The following RARB variants were observed in gnomAD, a reference collection of about 807,000 sequenced individuals.
The protein encoded by RARB is HBV-activated protein.
RARB carries 17 observed loss-of-function variants against 51.9 expected under a neutral mutation model. The ratio of observed to expected loss-of-function variants is 0.33; its 90% CI spans 0.22 to 0.49. RARB has a LOEUF of 0.49. Among genes scored for constraint, RARB ranks in the 20% least tolerant of loss-of-function variants. The probability of loss-of-function intolerance (pLI) is 0.99; values close to 1 mark genes in which losing one functional copy is unlikely to be tolerated. For synonymous variants in RARB, 215 were observed against 195.4 expected, an observed-to-expected ratio of 1.10 and a Z score of -0.84; for missense variants, 369 against 550.8, an observed-to-expected ratio of 0.67 and a Z score of 3.30.
intron 2 of RARB, among the ~76,000 whole-genome samples, chr3:24,867,395 A>C (rs187092609): frequency 4.7e-4 from 72 of 152,300 alleles, no homozygotes; most frequent in African/African-American, 1.6e-3. Context: ...TTTTCTCACT[A>C]TTAATAATTT....
At chr3:25,300,933 G>T (rs1228021005) in intron 5 of RARB, among the ~76,000 whole-genome samples, 4 of 152,164 alleles carry the variant, frequency 2.6e-5, no homozygotes, top group Admixed American at 2.6e-4. Flanking sequence ...GGAAGCAGAG[G>T]TTGCAGTGAG....
At chr3:25,482,827 C>G (rs576972107) in intron 2 of RARB, among the ~76,000 whole-genome samples, 1 of 152,054 alleles carries the variant, frequency 6.6e-6, no homozygotes, top group African/African-American at 2.4e-5. Context: ...GCGTGAGCCA[C>G]CCGCCTAGCC....
intron 2 of RARB, among the ~76,000 whole-genome samples, chr3:25,483,255 CTT>C (rs1198207620): frequency 6.6e-6 from 1 of 152,156 alleles, no homozygotes; most frequent in African/African-American, 2.4e-5. Context: ...AATGGGAAAA[CTT>C]GGGGAAATTT....
intron 5 of RARB, among the ~76,000 whole-genome samples, chr3:25,374,917 C>T (rs1290589563): frequency 6.6e-6 from 1 of 152,188 alleles, no homozygotes; most frequent in Non-Finnish European, 1.5e-5. Context: ...ACAGAGAAGA[C>T]TCTAAGATTA....
chr3:25,454,440 G>T (rs142546809), intron 1 of RARB, among the ~76,000 whole-genome samples: 2 of 152,176 alleles, frequency 1.3e-5, no homozygotes, highest in Non-Finnish European at 2.9e-5. Flanking sequence ...ACTGGGATTC[G>T]GAGCTCTGGG....
chr3:24,830,624 A>G (rs1702267238), intron 1 of RARB, among the ~76,000 whole-genome samples: 1 of 146,098 alleles, frequency 6.8e-6, no homozygotes, highest in East Asian at 2.1e-4. Context: ...AAAAGGGTGC[A>G]TTTGGACGAC....
At chr3:25,062,692 C>G (rs951611739) in intron 3 of RARB, among the ~76,000 whole-genome samples, 3 of 151,828 alleles carry the variant, frequency 2.0e-5, no homozygotes, top group African/African-American at 7.2e-5. Flanking sequence ...TCTACATATA[C>G]AAGAAATGTC....
intron 2 of RARB, among the ~76,000 whole-genome samples, chr3:24,957,675 G>A (rs6762263): frequency 0.47 from 70,594 of 151,564 alleles, 17,021 homozygotes; most frequent in East Asian, 0.61. Flanking sequence ...AAAGTTCTTT[G>A]CCAATTATTA....
chr3:25,064,115 G>T (rs1374478045), intron 3 of RARB, among the ~76,000 whole-genome samples: 1 of 152,086 alleles, frequency 6.6e-6, no homozygotes, highest in South Asian at 2.1e-4. Flanking sequence ...TAATTTTGAT[G>T]ATTGCTTTAG....
At chr3:25,009,639 G>A (rs962240725) in intron 2 of RARB, among the ~76,000 whole-genome samples, 11 of 152,044 alleles carry the variant, frequency 7.2e-5, no homozygotes, top group Non-Finnish European at 1.5e-4. Context: ...GAAACACTTA[G>A]GCATTTCACC....
At chr3:25,043,311 C>G (rs535744010) in intron 2 of RARB, among the ~76,000 whole-genome samples, 1 of 152,314 alleles carries the variant, frequency 6.6e-6, no homozygotes, top group Non-Finnish European at 1.5e-5. Flanking sequence ...CCATTCTTAA[C>G]AGACTCATTT....
chr3:24,859,229 C>G (rs990771692), intron 2 of RARB, among the ~76,000 whole-genome samples: 2 of 151,826 alleles, frequency 1.3e-5, no homozygotes, highest in Non-Finnish European at 2.9e-5. Context: ...ATGTCTTTCT[C>G]TATATTGCAA....
chr3:25,126,101 C>T (rs905760333), intron 3 of RARB, among the ~76,000 whole-genome samples: 3 of 152,062 alleles, frequency 2.0e-5, no homozygotes, highest in African/African-American at 7.2e-5. Flanking sequence ...TTTTGCTGCT[C>T]TAGTGTGTGT....
chr3:24,940,755 T>A (rs1695647296), intron 2 of RARB, among the ~76,000 whole-genome samples: 1 of 152,202 alleles, frequency 6.6e-6, no homozygotes, highest in Non-Finnish European at 1.5e-5. Flanking sequence ...GGGGAAAGCA[T>A]GAGCTCTGGA....
chr3:25,527,380 G>A (rs1435705), intron 3 of RARB, among the ~76,000 whole-genome samples: 15,094 of 152,238 alleles, frequency 0.099, 782 homozygotes, highest in Admixed American at 0.15. Flanking sequence ...CCTAGCTGGC[G>A]AGGCCTGCAA....
chr3:25,207,555 T>C (rs1701581170), intron 5 of RARB, among the ~76,000 whole-genome samples: 1 of 152,154 alleles, frequency 6.6e-6, no homozygotes, highest in South Asian at 2.1e-4. Context: ...AAAACATAAA[T>C]AAAAATGCCA....
At position 25,419,134 on chromosome 3, in the gene RARB, G is replaced by A. The variant is rs574866987; in HGVS notation, c.179-42059G>A. Among the ~76,000 whole-genome samples the A allele has an allele frequency of 9.2e-5, 14 of 152,116 alleles. No homozygotes were observed. In the South Asian group the frequency reaches 1.5e-3, roughly 16 times the overall value. On this transcript the variant is annotated intron_variant, in intron 5 of 11. Coordinates refer to the RARB transcript ENST00000383772. ...TAATCTAATAGTAATAAGCTGGGGG[G>A]AATTTAGCAAGGCCTATCTATTTAG...
intron 5 of RARB, among the ~76,000 whole-genome samples, chr3:25,381,945 C>T (rs907719089): frequency 9.2e-5 from 14 of 152,204 alleles, no homozygotes; most frequent in African/African-American, 3.4e-4. Context: ...TAGCCGTCTC[C>T]ATCTCAATCC....
chr3:25,428,686 A>T lies in RARB; in HGVS notation c.-46A>T. The T allele has an allele frequency of 1.3e-6, 2 of 1,573,488 alleles. No individual in the cohort carries two copies. The highest frequency in any genetic ancestry group is 1.7e-6 in the Non-Finnish European group (2 of 1,150,558). On this transcript the variant is annotated 5_prime_UTR_variant, in exon 1 of 8. Coordinates refer to ENST00000330688, the MANE Select transcript of RARB (RefSeq NM_000965.5). Reference sequence around the variant, plus strand: ...ACTTTTCTATGCCATTTGCCTCCACACCTAGAGGATAAGCACTTTTGCAGA... The same window carrying T: ...ACTTTTCTATGCCATTTGCCTCCACTCCTAGAGGATAAGCACTTTTGCAGA...
Sources: gnomAD v4.1 joint callset for allele counts (sites outside exome capture counted in the v4.1 genomes callset) on GRCh38, gnomAD v4.1.1 for gene constraint, MANE v1.5 for transcripts, NCBI Gene and HGNC (gene_info 2026-07-23, HGNC 2026-07-21) for gene names.